The following PRKCE variants were observed in gnomAD, a reference collection of about 807,000 sequenced individuals.
PRKCE encodes protein kinase C epsilon type.
PRKCE carries 16 observed loss-of-function variants against 85.4 expected under a neutral mutation model. The observed-to-expected ratio is 0.19, with a 90% CI of 0.13 to 0.28. The LOEUF (loss-of-function observed/expected upper bound fraction) is 0.28, where lower values mean the gene tolerates loss of function less well. PRKCE is among the 10% of genes least tolerant of loss of function. The pLI is 1.00. For missense variants in PRKCE, 573 were observed against 975.2 expected, an observed-to-expected ratio of 0.59 and a Z score of 5.49; for synonymous variants, 388 against 371.5, an observed-to-expected ratio of 1.04 and a Z score of -0.51.
chr2:46,150,239 G>A (rs1486417571), intron 12 of PRKCE, among the ~76,000 whole-genome samples: 2 of 152,198 alleles, frequency 1.3e-5, no homozygotes, highest in African/African-American at 4.8e-5. Flanking sequence ...AGAGGAAAAA[G>A]AGAGACAGCA....
chr2:46,065,028 C>G (rs546766812), intron 10 of PRKCE, among the ~76,000 whole-genome samples: 2 of 152,272 alleles, frequency 1.3e-5, no homozygotes, highest in East Asian at 3.9e-4. Context: ...GTTATTTGAC[C>G]CTGTACATCC....
At chr2:45,958,561 C>G (rs1186786595) in intron 2 of PRKCE, among the ~76,000 whole-genome samples, 1 of 149,746 alleles carries the variant, frequency 6.7e-6, no homozygotes, top group Admixed American at 6.7e-5. Context: ...AACTCCCTTT[C>G]ACACTACAAT....
intron 10 of PRKCE, among the ~76,000 whole-genome samples, chr2:46,043,895 A>G (rs1302487859): frequency 6.6e-6 from 1 of 152,206 alleles, no homozygotes; most frequent in Admixed American, 6.5e-5. Context: ...TGTGGCAACC[A>G]TCTCAAAGCG....
Position 45,966,772 on chromosome 2 carries a change from G to A in PRKCE, c.413-9657G>A, listed in dbSNP as rs530738411. On this transcript the variant is annotated intron_variant, in intron 2 of 14. Transcript: ENST00000306156. ...GGGGTGTGGGGAAGATAAGGCAGGCGCTCCCTCTTACAGTGGCAAGTAGGT... is the reference window on the plus strand; with the variant it reads ...GGGGTGTGGGGAAGATAAGGCAGGCACTCCCTCTTACAGTGGCAAGTAGGT... Among the ~76,000 whole-genome samples the A allele has an allele frequency of 5.9e-5, 9 of 152,206 alleles. No homozygotes were observed. The South Asian group carries it at 1.9e-3, about 32-fold the overall frequency.
chr2:45,937,030 T>C (rs1699512325), intron 2 of PRKCE, among the ~76,000 whole-genome samples: 1 of 152,174 alleles, frequency 6.6e-6, no homozygotes, highest in South Asian at 2.1e-4. Context: ...GTTCCATAGA[T>C]GCTTGGACCT....
chr2:45,767,631 G>A (rs1685015049), intron 1 of PRKCE, among the ~76,000 whole-genome samples: 1 of 152,202 alleles, frequency 6.6e-6, no homozygotes, highest in Non-Finnish European at 1.5e-5. Flanking sequence ...TCCAATTATT[G>A]CCTTGAAGTT....
At chr2:45,797,350 C>G (rs1169443132) in intron 1 of PRKCE, among the ~76,000 whole-genome samples, 1 of 152,178 alleles carries the variant, frequency 6.6e-6, no homozygotes, top group Non-Finnish European at 1.5e-5. Flanking sequence ...ACTAGGGTTT[C>G]TCAGCTCTCC....
In PRKCE at chr2:46,007,811, A is replaced by G. The variant is rs1395748422; in HGVS notation, c.1263+150A>G. On this transcript the variant is annotated intron_variant, in intron 9 of 14. Transcript: ENST00000306156. ...TGTAAGTGCAAATGACCTGAGGCCA[A>G]GTAGATAGGAGCGCTGGTTCTGCTA... The G allele has an allele frequency of 1.4e-5, 11 of 776,400 alleles. No individual in the cohort carries two copies. The Admixed American group carries it at 3.2e-4, about 22-fold the overall frequency. The allele number at this position is 776,400 out of a possible 1,614,324, so 48.1% of individuals were successfully genotyped here. A position where few individuals can be genotyped will look rare whatever the true frequency, so the allele number is the denominator to read the frequency against.
intron 2 of PRKCE, among the ~76,000 whole-genome samples, chr2:45,957,934 T>TA (rs1701082549): frequency 6.7e-6 from 1 of 149,812 alleles, no homozygotes; most frequent in Admixed American, 6.6e-5. Context: ...TTTTTTTTTT[T>TA]AATGTAGTCC....
intron 1 of PRKCE, among the ~76,000 whole-genome samples, chr2:45,710,458 A>T (rs986698465): frequency 6.6e-6 from 1 of 152,086 alleles, no homozygotes; most frequent in African/African-American, 2.4e-5. Flanking sequence ...CTGCTTCTGA[A>T]TCTCAGTCCT....
At chr2:45,828,183 C>T (rs1031037416) in intron 1 of PRKCE, among the ~76,000 whole-genome samples, 2 of 152,180 alleles carry the variant, frequency 1.3e-5, no homozygotes, top group African/African-American at 4.8e-5. Flanking sequence ...ACTGCCTCAC[C>T]TCACAAAAGT....
chr2:45,795,311 GTTA>G (rs1687346948), intron 1 of PRKCE, among the ~76,000 whole-genome samples: 1 of 152,002 alleles, frequency 6.6e-6, no homozygotes, highest in Non-Finnish European at 1.5e-5. Flanking sequence ...GAACATTATT[GTTA>G]TTATTTTTTT....
At chr2:45,812,461 A>G (rs1014282237) in intron 1 of PRKCE, among the ~76,000 whole-genome samples, 4 of 152,156 alleles carry the variant, frequency 2.6e-5, no homozygotes, top group African/African-American at 9.7e-5. Flanking sequence ...AAGGCAGCAG[A>G]ATGTGATGGT....
intron 1 of PRKCE, among the ~76,000 whole-genome samples, chr2:45,761,772 G>A (rs1334992945): frequency 6.6e-6 from 1 of 152,164 alleles, no homozygotes; most frequent in East Asian, 1.9e-4. Flanking sequence ...TGATTTCAAA[G>A]GTTTTCTACT....
chr2:46,120,426 A>T (rs774086139), intron 11 of PRKCE, among the ~76,000 whole-genome samples: 22 of 152,164 alleles, frequency 1.4e-4, no homozygotes, highest in Non-Finnish European at 3.1e-4. Context: ...ACAAAGATTT[A>T]TCCAGCCTAA....
chr2:46,135,059 GGGATCAACCA>G (rs1191950581), intron 11 of PRKCE, among the ~76,000 whole-genome samples: 1 of 152,096 alleles, frequency 6.6e-6, no homozygotes, highest in African/African-American at 2.4e-5. Flanking sequence ...TTCTATTGGC[GGGATCAACCA>G]GGTACCAGGC....
intron 2 of PRKCE, among the ~76,000 whole-genome samples, chr2:45,844,401 G>C (rs1187033759): frequency 6.6e-6 from 1 of 152,188 alleles, no homozygotes; most frequent in African/African-American, 2.4e-5. Flanking sequence ...AATAGAACCT[G>C]TTGTAGAAGA....
chr2:46,027,046 G>A (rs531775055), intron 10 of PRKCE, among the ~76,000 whole-genome samples: 200 of 152,268 alleles, frequency 1.3e-3, no homozygotes, highest in African/African-American at 4.7e-3. Flanking sequence ...ATGTGTGCCT[G>A]TTGTCCCAGC....
chr2:45,671,986 C>G (rs998940069), intron 1 of PRKCE, among the ~76,000 whole-genome samples: 1 of 148,198 alleles, frequency 6.7e-6, no homozygotes, highest in Non-Finnish European at 1.5e-5. Context: ...TCACTTGAGC[C>G]TAAAAGGTCA....
Sources: allele counts gnomAD v4.1 joint callset (sites outside exome capture counted in the v4.1 genomes callset), GRCh38; gene constraint gnomAD v4.1.1; transcripts MANE v1.5; gene names NCBI Gene and HGNC (gene_info 2026-07-23, HGNC 2026-07-21).